The following DOK5 variants were observed in gnomAD, a reference collection of about 807,000 sequenced individuals.
DOK5 encodes downstream of tyrosine kinase 5.
In DOK5, 27 loss-of-function variants were observed where a neutral mutation model predicts 43.3. That is an observed-to-expected ratio of 0.62 (90% CI 0.46 to 0.86). The LOEUF (loss-of-function observed/expected upper bound fraction) is 0.86. Ranked by LOEUF, DOK5 falls within the 40% of genes least tolerant of loss-of-function variation. DOK5 has a pLI of 0.00. For missense variants in DOK5, 373 were observed against 392.9 expected, an observed-to-expected ratio of 0.95 and a Z score of 0.43; for synonymous variants, 146 against 140.1, an observed-to-expected ratio of 1.04 and a Z score of -0.30.
chr20:54,612,188 G>T (rs1266469357), intron 6 of DOK5, among the ~76,000 whole-genome samples: 1 of 152,060 alleles, frequency 6.6e-6, no homozygotes, highest in Non-Finnish European at 1.5e-5. Context: ...TTGCATATGG[G>T]TCATTCAGAA....
chr20:54,481,661 C>T (rs1421605392), intron 1 of DOK5, among the ~76,000 whole-genome samples: 1 of 152,212 alleles, frequency 6.6e-6, no homozygotes, highest in Non-Finnish European at 1.5e-5. Context: ...GTGCCTAGTG[C>T]AGGGCCCAGC....
At chr20:54,492,208 C>T (rs977126499) in intron 1 of DOK5, among the ~76,000 whole-genome samples, 1 of 151,960 alleles carries the variant, frequency 6.6e-6, no homozygotes. Context: ...GTCTCACTTC[C>T]TGGGGTTAGT....
intron 5 of DOK5, among the ~76,000 whole-genome samples, chr20:54,600,748 T>C (rs1199808033): frequency 3.9e-5 from 6 of 152,190 alleles, no homozygotes; most frequent in South Asian, 2.1e-4. Flanking sequence ...CTGACTGATA[T>C]CACATGACCT....
At chr20:54,505,082 C>T (rs1043241293) in intron 1 of DOK5, among the ~76,000 whole-genome samples, 1 of 152,076 alleles carries the variant, frequency 6.6e-6, no homozygotes, top group Non-Finnish European at 1.5e-5. Context: ...TCCCACACCC[C>T]ACTGCTCAGG....
intron 6 of DOK5, among the ~76,000 whole-genome samples, chr20:54,638,008 G>GC (rs1978914881): frequency 2.0e-5 from 3 of 152,074 alleles, no homozygotes; most frequent in African/African-American, 4.8e-5. Context: ...TGTAGTCCCA[G>GC]TGACTTGGGA....
intron 1 of DOK5, among the ~76,000 whole-genome samples, chr20:54,496,880 G>A (rs1042153262): frequency 5.3e-5 from 8 of 152,130 alleles, no homozygotes; most frequent in South Asian, 2.1e-4. Context: ...GGGAAACTGA[G>A]GGCAAGTGAG....
chr20:54,621,003 A>G (rs1986958125), intron 6 of DOK5, among the ~76,000 whole-genome samples: 1 of 152,254 alleles, frequency 6.6e-6, no homozygotes, highest in Non-Finnish European at 1.5e-5. Flanking sequence ...AACTAGAAAT[A>G]GAGGAGATTC....
chr20:54,619,889 A>G (rs1170701270), intron 6 of DOK5, among the ~76,000 whole-genome samples: 2 of 152,198 alleles, frequency 1.3e-5, no homozygotes, highest in Non-Finnish European at 2.9e-5. Flanking sequence ...TTTCATTACT[A>G]TTCAGACACT....
intron 2 of DOK5, among the ~76,000 whole-genome samples, chr20:54,584,367 G>A (rs916876940): frequency 7.9e-5 from 12 of 151,224 alleles, no homozygotes; most frequent in Non-Finnish European, 1.6e-4. Context: ...TTGCTGTGGG[G>A]CTTATATAAC....
intron 1 of DOK5, among the ~76,000 whole-genome samples, chr20:54,503,390 A>G (rs1214501664): frequency 6.6e-6 from 1 of 152,176 alleles, no homozygotes; most frequent in Admixed American, 6.5e-5. Flanking sequence ...GAAGTCACAA[A>G]GTGGACCTGG....
At chr20:54,573,179 A>G (rs775730222) in intron 2 of DOK5, among the ~76,000 whole-genome samples, 8 of 152,184 alleles carry the variant, frequency 5.3e-5, no homozygotes, top group Admixed American at 6.5e-5. Context: ...CAGAATAATC[A>G]GGAATGGTCT....
At chr20:54,504,156 C>T (rs1982720490) in intron 1 of DOK5, among the ~76,000 whole-genome samples, 1 of 152,126 alleles carries the variant, frequency 6.6e-6, no homozygotes, top group East Asian at 1.9e-4. Context: ...TAACTTTGTC[C>T]ACCTTCCAGA....
At chr20:54,627,114 C>T (rs1294397987) in intron 6 of DOK5, among the ~76,000 whole-genome samples, 2 of 151,982 alleles carry the variant, frequency 1.3e-5, no homozygotes, top group Admixed American at 6.6e-5. Flanking sequence ...ATTAAACGTA[C>T]GTATAAGAAT....
At chr20:54,490,161 A>G (rs529263818) in intron 1 of DOK5, among the ~76,000 whole-genome samples, 1 of 152,364 alleles carries the variant, frequency 6.6e-6, no homozygotes, top group Admixed American at 6.5e-5. Flanking sequence ...ATTTACAAAC[A>G]TATAAATCAT....
intron 1 of DOK5, among the ~76,000 whole-genome samples, chr20:54,515,504 G>T (rs1262915287): frequency 5.3e-5 from 8 of 152,158 alleles, no homozygotes; most frequent in African/African-American, 1.9e-4. Flanking sequence ...TGAGGACATG[G>T]AGATTTTATA....
intron 7 of DOK5, among the ~76,000 whole-genome samples, chr20:54,644,722 A>AACAC (rs1568827238): frequency 1.4e-5 from 2 of 146,568 alleles, no homozygotes; most frequent in Non-Finnish European, 3.0e-5. Flanking sequence ...AAAAAAAAAA[A>AACAC]AACAAAATTT....
Position 54,610,516 on chromosome 20 carries a change from A to G in DOK5, c.728A>G (p.Asn243Ser). 1.3e-6 allele frequency: 2 copies of G among 1,497,374 alleles called. No homozygotes were observed. The highest frequency in any genetic ancestry group is 1.8e-6 in the Non-Finnish European group (2 of 1,119,456). The allele number at this position is 1,497,374 out of a possible 1,614,324, so 92.8% of individuals were successfully genotyped here. ...GAGCGCTTGCTACAGAGTGTGAAAA[A>G]CTCGATGGTACGTTTGGAATTTCTT... ...QHERLLQSVK[N>S]SMLQMKMSER... The change falls in exon 6 of 8, where the codon AAC (asparagine) becomes AGC (serine). Residue 243 changes from asparagine to serine, a missense_variant. Coordinates refer to ENST00000262593, the MANE Select transcript of DOK5 (RefSeq NM_018431.5).
At chr20:54,549,230 A>C (rs1984444713) in intron 1 of DOK5, among the ~76,000 whole-genome samples, 1 of 152,214 alleles carries the variant, frequency 6.6e-6, no homozygotes, top group African/African-American at 2.4e-5. Context: ...CCAACTGAAG[A>C]GGTTTTGACT....
At chr20:54,608,219 G>A (rs945230395) in intron 5 of DOK5, among the ~76,000 whole-genome samples, 9 of 152,032 alleles carry the variant, frequency 5.9e-5, no homozygotes, top group Non-Finnish European at 1.3e-4. Context: ...TGAGTAACAG[G>A]TACCTTCATT....
Sources: allele counts gnomAD v4.1 joint callset (sites outside exome capture counted in the v4.1 genomes callset), GRCh38; gene constraint gnomAD v4.1.1; transcripts MANE v1.5; gene names NCBI Gene and HGNC (gene_info 2026-07-23, HGNC 2026-07-21).